ST7: variants seen among roughly 807,000 people sequenced by gnomAD.
ST7 encodes the protein suppressor of tumorigenicity 7 protein.
A neutral mutation model predicts 78.7 loss-of-function variants in ST7; 28 were observed. That is an observed-to-expected ratio of 0.36 (90% CI 0.26 to 0.49). The LOEUF (loss-of-function observed/expected upper bound fraction) is 0.49. Ranked by LOEUF, ST7 falls within the 20% of genes least tolerant of loss-of-function variation. The pLI, the probability that ST7 is intolerant of heterozygous loss-of-function variation, is 0.99. For missense variants in ST7, 418 were observed against 696.0 expected, an observed-to-expected ratio of 0.60 and a Z score of 4.49; for synonymous variants, 247 against 249.6, an observed-to-expected ratio of 0.99 and a Z score of 0.10.
At chr7:117,073,626 C>T (rs1454810695) in intron 1 of ST7, among the ~76,000 whole-genome samples, 1 of 152,192 alleles carries the variant, frequency 6.6e-6, no homozygotes, top group African/African-American at 2.4e-5. Context: ...TCTACTGCCA[C>T]TACTCGTATG....
chr7:117,057,041 A>G (rs1798099246), intron 1 of ST7, among the ~76,000 whole-genome samples: 2 of 152,054 alleles, frequency 1.3e-5, no homozygotes, highest in African/African-American at 4.8e-5. Context: ...GTCGGTGGTT[A>G]TCTGTTTGTG....
intron 1 of ST7, among the ~76,000 whole-genome samples, chr7:117,083,713 CTT>C (rs1407957352): frequency 1.3e-5 from 2 of 152,018 alleles, no homozygotes; most frequent in East Asian, 1.9e-4. Context: ...TATAGCATGA[CTT>C]ATTAAATATA....
chr7:117,018,751 G>A lies in ST7; in HGVS notation c.151+65060G>A, dbSNP rs374754564. 1.7e-4 allele frequency among the ~76,000 whole-genome samples: 26 copies of A among 152,246 alleles called. No homozygotes were observed. The East Asian group carries it at 2.5e-3, about 15-fold the overall frequency. On this transcript the variant is annotated intron_variant, in intron 1 of 15. Transcript: ENST00000323984. ...TGTAGGGTTATTATGAAGATTAAAT[G>A]GGTTTATACATGTAAAGGACCCAGG...
intron 15 of ST7, chr7:117,222,979 G>C (rs61731531): frequency 1.0e-5 from 16 of 1,600,734 alleles, no homozygotes; most frequent in Admixed American, 8.3e-5. Context: ...TTCCAAAACT[G>C]AACTCATCAC....
intron 1 of ST7, chr7:116,972,564 C>G (rs772343391): frequency 7.1e-7 from 1 of 1,402,278 alleles, no homozygotes; most frequent in Non-Finnish European, 1.0e-6. Flanking sequence ...CTGCAATGTG[C>G]TTAGCTTCTT....
intron 1 of ST7, among the ~76,000 whole-genome samples, chr7:117,000,266 G>C (rs78007435): frequency 0.03 from 4,527 of 152,314 alleles, 135 homozygotes; most frequent in East Asian, 0.13. Flanking sequence ...TGCTTAGGAA[G>C]TTTTTAGAGC....
At chr7:116,991,972 G>A (rs528217147) in intron 1 of ST7, among the ~76,000 whole-genome samples, 2 of 152,176 alleles carry the variant, frequency 1.3e-5, no homozygotes, top group Admixed American at 6.5e-5. Context: ...GCTCCAAAAT[G>A]ATCTCCTTTG....
At chr7:117,091,131 G>C (rs567854886) in intron 1 of ST7, among the ~76,000 whole-genome samples, 2 of 152,288 alleles carry the variant, frequency 1.3e-5, no homozygotes, top group African/African-American at 4.8e-5. Flanking sequence ...AGGGTTTCTT[G>C]CCATAGGAAT....
chr7:117,208,862 G>T (rs904839576), intron 12 of ST7, among the ~76,000 whole-genome samples: 1 of 151,310 alleles, frequency 6.6e-6, no homozygotes, highest in African/African-American at 2.4e-5. Context: ...CTGTTGTTAT[G>T]TTTGTCTTTG....
chr7:116,981,403 C>T (rs2116328021), intron 1 of ST7, among the ~76,000 whole-genome samples: 1 of 152,298 alleles, frequency 6.6e-6, no homozygotes, highest in South Asian at 2.1e-4. Context: ...AACCACTGCA[C>T]CTGGCCTCAA....
chr7:117,036,183 C>G (rs1239040012), intron 1 of ST7, among the ~76,000 whole-genome samples: 1 of 152,174 alleles, frequency 6.6e-6, no homozygotes, highest in Non-Finnish European at 1.5e-5. Flanking sequence ...TTTGACTTTC[C>G]TGTGTTTTAT....
chr7:117,084,728 A>G (rs1364235000), intron 1 of ST7, among the ~76,000 whole-genome samples: 1 of 148,908 alleles, frequency 6.7e-6, no homozygotes, highest in Non-Finnish European at 1.5e-5. Context: ...TGCTGCCATT[A>G]TTATTATTCA....
intron 1 of ST7, among the ~76,000 whole-genome samples, chr7:117,066,764 C>CAAAAAAAAAAAA (rs35246518): frequency 1.3e-5 from 1 of 74,736 alleles, no homozygotes. Flanking sequence ...GACTCCGTCT[C>CAAAAAAAAAAAA]AAAAAAAAAA....
intron 5 of ST7, among the ~76,000 whole-genome samples, chr7:117,131,215 A>T (rs1324748124): frequency 1.3e-5 from 2 of 151,864 alleles, no homozygotes; most frequent in East Asian, 3.9e-4. Context: ...ACACACTCTA[A>T]AATAATTTAT....
intron 9 of ST7, among the ~76,000 whole-genome samples, chr7:117,140,982 C>T (rs998704494): frequency 6.6e-6 from 1 of 152,200 alleles, no homozygotes; most frequent in East Asian, 1.9e-4. Context: ...TTGCAGGAGA[C>T]AGTTGTTGGC....
At chr7:117,096,086 A>C (rs941322271) in intron 1 of ST7, among the ~76,000 whole-genome samples, 2 of 150,724 alleles carry the variant, frequency 1.3e-5, no homozygotes, top group African/African-American at 2.4e-5. Flanking sequence ...AAAAAAAAAA[A>C]AAAAAAAAAA....
intron 10 of ST7, among the ~76,000 whole-genome samples, chr7:117,173,940 A>T (rs1447497363): frequency 6.6e-6 from 1 of 152,116 alleles, no homozygotes; most frequent in Non-Finnish European, 1.5e-5. Context: ...GTGTCGAAGA[A>T]CATATTTTGG....
At chr7:116,965,030 G>A (rs1793030287) in intron 1 of ST7, among the ~76,000 whole-genome samples, 1 of 152,204 alleles carries the variant, frequency 6.6e-6, no homozygotes. Context: ...TGCAGACTTA[G>A]TTTAGGCTAT....
At chr7:116,959,204 T>C in intron 1 of ST7, 1 of 470,556 alleles carries the variant, frequency 2.1e-6, no homozygotes, top group South Asian at 1.5e-5. Context: ...AAACACTTTC[T>C]TTGCTCATCA....
Sources: allele counts gnomAD v4.1 joint callset (sites outside exome capture counted in the v4.1 genomes callset), GRCh38; gene constraint gnomAD v4.1.1; transcripts MANE v1.5; gene names NCBI Gene and HGNC (gene_info 2026-07-23, HGNC 2026-07-21).